The following PCDHGA2 variants were observed in gnomAD, a reference collection of about 807,000 sequenced individuals.
PCDHGA2 encodes the protein protocadherin gamma-A2.
PCDHGA2 carries 40 observed loss-of-function variants against 59.2 expected under a neutral mutation model. The observed-to-expected ratio is 0.68, with a 90% CI of 0.52 to 0.88. The LOEUF (loss-of-function observed/expected upper bound fraction) is 0.88. PCDHGA2 is among the 40% of genes least tolerant of loss of function. The probability of loss-of-function intolerance (pLI) is 0.00; values close to 1 mark genes in which losing one functional copy is unlikely to be tolerated. For missense variants in PCDHGA2, 1,226 were observed against 1,204.0 expected, an observed-to-expected ratio of 1.02 and a Z score of -0.27; for synonymous variants, 560 against 526.0, an observed-to-expected ratio of 1.06 and a Z score of -0.89.
chr5:141,482,859 G>A (rs1371172226), intron 1 of PCDHGA2, among the ~76,000 whole-genome samples: 3 of 148,230 alleles, frequency 2.0e-5, no homozygotes, highest in Admixed American at 6.7e-5. Flanking sequence ...ATCACTTGAG[G>A]TCAGGAGTTT....
chr5:141,384,673 G>A (rs1029531424), intron 1 of PCDHGA2: 2 of 1,614,108 alleles, frequency 1.2e-6, no homozygotes, highest in South Asian at 1.1e-5. Context: ...GACCAAGGTG[G>A]TGGCGGTGGA....
chr5:141,364,362 G>C, intron 1 of PCDHGA2: 1 of 1,560,576 alleles, frequency 6.4e-7, no homozygotes, highest in Non-Finnish European at 8.7e-7. Flanking sequence ...TGGGGCTGCG[G>C]AGAGCTGCTG....
chr5:141,475,870 C>CAGTT, intron 1 of PCDHGA2: 1 of 511,190 alleles, frequency 2.0e-6, no homozygotes, highest in East Asian at 3.3e-5. Context: ...ATTCTTCGTG[C>CAGTT]AGTTATTGGC....
At chr5:141,450,006 C>CTATTTTTTTTTTTT (rs70988802) in intron 1 of PCDHGA2, among the ~76,000 whole-genome samples, 1 of 132,966 alleles carries the variant, frequency 7.5e-6, no homozygotes, top group Non-Finnish European at 1.6e-5. Flanking sequence ...TGCCATGTCT[C>CTATTTTTTTTTTTT]TTTTTTTTTT....
At chr5:141,495,013 T>C (rs2099758300) in intron 2 of PCDHGA2, 148 bp downstream of exon 2, 12 of 1,511,014 alleles carry the variant, frequency 7.9e-6, no homozygotes, top group Non-Finnish European at 1.1e-5. Context: ...TGCGGGGGGC[T>C]GGCACACAGA....
intron 1 of PCDHGA2, chr5:141,362,235 A>C: frequency 6.2e-7 from 1 of 1,613,852 alleles, no homozygotes; most frequent in East Asian, 2.2e-5. Context: ...CCTTGATCTC[A>C]GTGCTCTTCT....
At chr5:141,379,868 T>C (rs1775901267) in intron 1 of PCDHGA2, among the ~76,000 whole-genome samples, 1 of 149,208 alleles carries the variant, frequency 6.7e-6, no homozygotes, top group African/African-American at 2.5e-5. Flanking sequence ...CTTATTCTTA[T>C]TTTATGGTCT....
chr5:141,415,332 G>A (rs758125316), intron 1 of PCDHGA2: 1 of 1,614,214 alleles, frequency 6.2e-7, no homozygotes, highest in South Asian at 1.1e-5. Context: ...TGGCGCACAG[G>A]CTGCGGCGCT....
Position 141,340,193 on chromosome 5 carries a change from A to G in PCDHGA2, c.1222A>G (p.Arg408Gly), listed in dbSNP as rs1756915524. Residue 408 changes from arginine (R) to glycine (G), a missense_variant, in exon 1 of 4, where the codon AGA (arginine) becomes GGA (glycine). Physicochemically the swap from Arg to Gly is moderately radical, Grantham distance 125 (BLOSUM62 -2). Transcript: ENST00000394576. Reference protein sequence around the residue: ...VDNYYRLVTTRALDREQFSFY... With the variant: ...VDNYYRLVTTGALDREQFSFY... Reference sequence around the variant, plus strand: ...CAATTACTACCGACTGGTTACAACCAGAGCCCTTGACAGGGAACAGTTTTC... The same window carrying G: ...CAATTACTACCGACTGGTTACAACCGGAGCCCTTGACAGGGAACAGTTTTC... The G allele has an allele frequency of 6.2e-7, 1 of 1,614,068 alleles. No individual in the cohort carries two copies. The highest frequency in any genetic ancestry group is 8.5e-7 in the Non-Finnish European group (1 of 1,179,994).
chr5:141,426,565 T>G, intron 1 of PCDHGA2: 1 of 351,600 alleles, frequency 2.8e-6, no homozygotes, highest in Non-Finnish European at 5.7e-6. Flanking sequence ...AGATCGAGAG[T>G]CACTGTCTTC....
At position 141,432,724 on chromosome 5, in the gene PCDHGA2, C is replaced by T. The variant is rs752394602; in HGVS notation, c.2425-62083C>T. ...AGGACCACGGCCAGCCCCCTCTCTCCGCCACTGTCACGCTCACCGTGGCCG... is the reference window on the plus strand; with the variant it reads ...AGGACCACGGCCAGCCCCCTCTCTCTGCCACTGTCACGCTCACCGTGGCCG... On this transcript the variant is annotated intron_variant, in intron 1 of 3. Coordinates refer to ENST00000394576, the MANE Select transcript of PCDHGA2 (RefSeq NM_018915.4). The surrounding 1 kb of genome is among the most constrained non-coding windows in gnomAD (Gnocchi z 6.0). The T allele has an allele frequency of 8.1e-6, 13 of 1,614,066 alleles. No individual in the cohort carries two copies. Among genetic ancestry groups the T allele is most frequent in the Middle Eastern group, 1.6e-4 (1 of 6,062 alleles).
chr5:141,422,777 C>CCCTACAAT, intron 1 of PCDHGA2: 2 of 1,613,982 alleles, frequency 1.2e-6, no homozygotes, highest in Non-Finnish European at 1.7e-6. Context: ...GTTCTCTATG[C>CCCTACAAT]CCTACAATCC....
rs778586702 is a variant in PCDHGA2, at chr5:141,404,963, A to G, written c.2424+63568A>G. 8.7e-6 allele frequency: 14 copies of G among 1,613,744 alleles called. No homozygotes were observed. In the South Asian group the frequency reaches 1.5e-4, roughly 18 times the overall value. ...AGCCATAGCTGACAGCATCCCAGAC[A>G]TCCTGGCTGACCTGGGCAGTCTTCA... On this transcript the variant is annotated intron_variant, in intron 1 of 3. Transcript: ENST00000394576.
At chr5:141,473,548 C>A (rs1158305951) in intron 1 of PCDHGA2, among the ~76,000 whole-genome samples, 3 of 152,118 alleles carry the variant, frequency 2.0e-5, no homozygotes, top group South Asian at 2.1e-4. Context: ...TAATGGAAGA[C>A]CTCTATTAGG....
intron 1 of PCDHGA2, chr5:141,364,402 C>A: frequency 6.2e-7 from 1 of 1,607,318 alleles, no homozygotes; most frequent in Non-Finnish European, 8.5e-7. Flanking sequence ...GGACGCTGTG[C>A]GAGCCAGGAT....
intron 1 of PCDHGA2, chr5:141,345,218 A>T (rs777830589): frequency 2.5e-6 from 4 of 1,613,882 alleles, no homozygotes; most frequent in Non-Finnish European, 3.4e-6. Flanking sequence ...TTAAGTTAGA[A>T]AAATCAATAG....
intron 1 of PCDHGA2, chr5:141,409,921 G>C (rs767370997): frequency 2.7e-5 from 44 of 1,613,404 alleles, no homozygotes; most frequent in Non-Finnish European, 3.7e-5. Context: ...ACGGCTCCGC[G>C]TTCTTCGATA....
intron 1 of PCDHGA2, chr5:141,370,805 C>T: frequency 6.2e-7 from 1 of 1,614,026 alleles, no homozygotes; most frequent in Non-Finnish European, 8.5e-7. Flanking sequence ...GCCAAAATAT[C>T]ACTGAGCTGG....
chr5:141,361,023 A>T (rs1171139053), intron 1 of PCDHGA2: 1 of 1,613,384 alleles, frequency 6.2e-7, no homozygotes, highest in Non-Finnish European at 8.5e-7. Context: ...ACTTAAATGA[A>T]AAAACAGGAG....
Sources: gnomAD v4.1 joint callset for allele counts (sites outside exome capture counted in the v4.1 genomes callset) on GRCh38, gnomAD v4.1.1 for gene constraint, Gnocchi (gnomAD v3.1) non-coding constraint, MANE v1.5 for transcripts, NCBI Gene and HGNC (gene_info 2026-07-23, HGNC 2026-07-21) for gene names.